Variants in ADGRB3 observed in about 807,000 individuals in gnomAD.
ADGRB3 encodes brain-specific angiogenesis inhibitor 3.
In ADGRB3, 37 loss-of-function variants were observed where a neutral mutation model predicts 193.4. The observed-to-expected ratio is 0.19, with a 90% CI of 0.15 to 0.25. The LOEUF is 0.25. Among genes scored for constraint, ADGRB3 ranks in the 10% least tolerant of loss-of-function variants. ADGRB3 has a pLI of 1.00. For synonymous variants in ADGRB3, 690 were observed against 644.2 expected (o/e 1.07, Z -1.08); for missense variants, 1,637 against 1,852.9 (o/e 0.88, Z 2.14).
chr6:68,753,788 G>A (rs1766247385), intron 3 of ADGRB3, among the ~76,000 whole-genome samples: 1 of 152,130 alleles, frequency 6.6e-6, no homozygotes. Context: ...TGCTGGTTGG[G>A]GACGCTGGGT....
At chr6:69,350,324 C>A (rs913743217) in intron 26 of ADGRB3, among the ~76,000 whole-genome samples, 1 of 149,892 alleles carries the variant, frequency 6.7e-6, no homozygotes, top group Admixed American at 6.7e-5. Context: ...TTACAACATG[C>A]CATTAGATTG....
At chr6:69,233,105 C>G in intron 17 of ADGRB3, 185 bp from the exon 18 acceptor site, 3 of 845,278 alleles carry the variant, frequency 3.5e-6, no homozygotes, top group Non-Finnish European at 5.3e-6. Flanking sequence ...TGCTTTTTCC[C>G]ACTCTCGCTT....
intron 10 of ADGRB3, among the ~76,000 whole-genome samples, chr6:68,987,600 T>G (rs1266842047): frequency 6.6e-6 from 1 of 152,060 alleles, no homozygotes; most frequent in Non-Finnish European, 1.5e-5. Flanking sequence ...AAAACCTGAG[T>G]GAAGCATATA....
At chr6:69,216,137 C>T (rs991775521) in intron 17 of ADGRB3, among the ~76,000 whole-genome samples, 1 of 151,944 alleles carries the variant, frequency 6.6e-6, no homozygotes, top group Non-Finnish European at 1.5e-5. Context: ...TTCCCAAAAT[C>T]CTAGTAATTG....
At chr6:68,676,866 G>GA (rs1170434700) in intron 3 of ADGRB3, among the ~76,000 whole-genome samples, 6 of 151,962 alleles carry the variant, frequency 3.9e-5, no homozygotes, top group South Asian at 2.1e-4. Flanking sequence ...CTAGCTTCTT[G>GA]AAAAAAATAA....
chr6:68,777,127 G>A (rs1766762100), intron 3 of ADGRB3, among the ~76,000 whole-genome samples: 1 of 152,116 alleles, frequency 6.6e-6, no homozygotes, highest in Non-Finnish European at 1.5e-5. Context: ...AGTTTGATAA[G>A]CTGCATCTTG....
intron 3 of ADGRB3, among the ~76,000 whole-genome samples, chr6:68,776,100 T>A (rs916287308): frequency 6.6e-6 from 1 of 152,124 alleles, no homozygotes; most frequent in African/African-American, 2.4e-5. Context: ...GTGACAAACA[T>A]AGGCTCTGTT....
intron 3 of ADGRB3, among the ~76,000 whole-genome samples, chr6:68,795,713 G>A (rs1167127571): frequency 8.5e-5 from 13 of 152,070 alleles, no homozygotes; most frequent in Admixed American, 7.9e-4. Context: ...AGTAAACACC[G>A]AATGTTCATG....
At chr6:68,954,633 G>C (rs1768019163) in intron 6 of ADGRB3, among the ~76,000 whole-genome samples, 1 of 151,268 alleles carries the variant, frequency 6.6e-6, no homozygotes, top group Admixed American at 6.6e-5. Context: ...TCCTACACTA[G>C]ATCTGATCAT....
At chr6:69,062,145 A>G (rs1309977830) in intron 15 of ADGRB3, among the ~76,000 whole-genome samples, 1 of 151,988 alleles carries the variant, frequency 6.6e-6, no homozygotes, top group African/African-American at 2.4e-5. Flanking sequence ...GTAAAATTAA[A>G]TCATCTTTAA....
intron 17 of ADGRB3, among the ~76,000 whole-genome samples, chr6:69,214,156 A>G (rs1382438865): frequency 6.6e-6 from 1 of 152,184 alleles, no homozygotes; most frequent in Non-Finnish European, 1.5e-5. Context: ...GAGAGGAACA[A>G]ACAGCATTAG....
chr6:69,001,604 GGAAA>G (rs928500899), intron 11 of ADGRB3, among the ~76,000 whole-genome samples: 1 of 152,032 alleles, frequency 6.6e-6, no homozygotes, highest in African/African-American at 2.4e-5. Flanking sequence ...TCAGAAAAGA[GGAAA>G]GAAACATCTT....
At chr6:68,684,836 C>G (rs1213389354) in intron 3 of ADGRB3, among the ~76,000 whole-genome samples, 1 of 151,876 alleles carries the variant, frequency 6.6e-6, no homozygotes, top group Non-Finnish European at 1.5e-5. Context: ...ACCATATATT[C>G]CTGAAATCAA....
intron 6 of ADGRB3, among the ~76,000 whole-genome samples, chr6:68,947,500 G>C (rs1767804617): frequency 6.6e-6 from 1 of 151,958 alleles, no homozygotes; most frequent in Non-Finnish European, 1.5e-5. Context: ...GGACTTTCTT[G>C]ACATGAACAT....
At chr6:69,024,096 T>C (rs189547907) in intron 13 of ADGRB3, among the ~76,000 whole-genome samples, 277 of 152,286 alleles carry the variant, frequency 1.8e-3, no homozygotes, top group Non-Finnish European at 2.7e-3. Flanking sequence ...AAAAGTTTTT[T>C]TCAATTATCA....
chr6:69,234,168 T>A (rs567718744), intron 18 of ADGRB3, among the ~76,000 whole-genome samples: 10 of 152,256 alleles, frequency 6.6e-5, no homozygotes, highest in African/African-American at 2.4e-4. Flanking sequence ...CTAATACAAT[T>A]TGATGTGCAT....
intron 26 of ADGRB3, among the ~76,000 whole-genome samples, chr6:69,350,877 A>G (rs2127325736): frequency 6.6e-6 from 1 of 152,144 alleles, no homozygotes; most frequent in African/African-American, 2.4e-5. Flanking sequence ...ATTCACCAAA[A>G]TCAAGTCTCT....
chr6:68,695,612 C>CTT (rs1462958758), intron 3 of ADGRB3, among the ~76,000 whole-genome samples: 2 of 152,036 alleles, frequency 1.3e-5, no homozygotes, highest in South Asian at 4.1e-4. Flanking sequence ...TCCTCGGTTT[C>CTT]TTTTGGTCTC....
chr6:69,053,525 A>G (rs1041158260), intron 15 of ADGRB3, among the ~76,000 whole-genome samples: 5 of 152,228 alleles, frequency 3.3e-5, no homozygotes, highest in Admixed American at 3.3e-4. Flanking sequence ...GGGCAGTTTC[A>G]GGGAGCACTG....
Sources: gnomAD v4.1 joint callset for allele counts (sites outside exome capture counted in the v4.1 genomes callset) on GRCh38, gnomAD v4.1.1 for gene constraint, MANE v1.5 for transcripts, NCBI Gene and HGNC (gene_info 2026-07-23, HGNC 2026-07-21) for gene names.